Variants in ZDHHC11B observed in about 807,000 individuals in gnomAD.
The protein encoded by ZDHHC11B is zDHHC palmitoyltransferase 11B (putative), also known as probable palmitoyltransferase ZDHHC11B.
ZDHHC11B carries 17 observed loss-of-function variants against 42.3 expected under a neutral mutation model. That is an observed-to-expected ratio of 0.40 (90% CI 0.27 to 0.60). The LOEUF (loss-of-function observed/expected upper bound fraction) is 0.60. Ranked by LOEUF, ZDHHC11B falls within the 20% of genes least tolerant of loss-of-function variation. The pLI is 0.41. For missense variants in ZDHHC11B, 262 were observed against 463.2 expected (o/e 0.57, Z 3.99); for synonymous variants, 123 against 193.5 (o/e 0.64, Z 3.02).
chr5:730,813 T>C (rs1237190189), intron 11 of ZDHHC11B, among the ~76,000 whole-genome samples: 6 of 151,840 alleles, frequency 4.0e-5, no homozygotes, highest in Admixed American at 1.3e-4. Context: ...TGTCCTTTTA[T>C]GAAGGGGAGA....
At chr5:773,522 T>A (rs1736223925) in intron 1 of ZDHHC11B, among the ~76,000 whole-genome samples, 1 of 151,798 alleles carries the variant, frequency 6.6e-6, no homozygotes, top group South Asian at 2.1e-4. Flanking sequence ...CCATCCCACA[T>A]GTGCCCTGCA....
Position 751,120 on chromosome 5 carries a change from G to A in ZDHHC11B, c.628+13C>T, listed in dbSNP as rs71273552. The A allele has an allele frequency of 0.16, 185,534 of 1,143,892 alleles. 24,871 individuals carry two copies. The highest frequency in any genetic ancestry group is 0.59 in the African/African-American group (29,775 of 50,482). The allele number at this position is 1,143,892 out of a possible 1,614,324, so 70.9% of individuals were successfully genotyped here. A position where few individuals can be genotyped will look rare whatever the true frequency, so the allele number is the denominator to read the frequency against. On this transcript the variant is annotated intron_variant, in intron 7 of 13. Coordinates refer to ENST00000508859, the MANE Select transcript of ZDHHC11B (RefSeq NM_001351303.2). ...GGCGAGGATGAGGCCCCTTGAGAGC[G>A]GCGGCCACGTACCTTCATACCTGGG...
intron 10 of ZDHHC11B, 41 bp from the exon 11 acceptor site, chr5:733,880 T>C: frequency 6.4e-7 from 1 of 1,558,056 alleles, no homozygotes; most frequent in Non-Finnish European, 8.8e-7. Flanking sequence ...ATCTCAGCTT[T>C]GTGGGGGGGC....
chr5:759,924 C>T lies in ZDHHC11B; in HGVS notation c.223-3780G>A, dbSNP rs577818272. Among the ~76,000 whole-genome samples the T allele has an allele frequency of 7.9e-5, 12 of 151,996 alleles. 1 individual carries two copies. The highest frequency in any genetic ancestry group is 1.3e-4 in the Non-Finnish European group (9 of 67,896). ...GCCACATGCTGCTGGCCAAGGGGCC[C>T]GAGGGGGTCGCTGAGGTGCAGGCAT... On this transcript the variant is annotated intron_variant, in intron 4 of 13. Coordinates refer to ENST00000508859, the MANE Select transcript of ZDHHC11B (RefSeq NM_001351303.2).
chr5:761,412 G>A lies in ZDHHC11B; in HGVS notation c.223-5268C>T, dbSNP rs553478661. 6.8e-4 allele frequency among the ~76,000 whole-genome samples: 103 copies of A among 151,934 alleles called. 2 individuals are homozygous for A. Among genetic ancestry groups the A allele is most frequent in the African/African-American group, 2.4e-3 (100 of 41,422 alleles). On this transcript the variant is annotated intron_variant, in intron 4 of 13. Coordinates refer to ENST00000508859, the MANE Select transcript of ZDHHC11B (RefSeq NM_001351303.2). ...GGAGGCCATCTAGGACCCAGGCTTT[G>A]GGGGTATGGGGACTCAGGGATGTAG...
At chr5:714,297 G>A (rs1473141914) in intron 13 of ZDHHC11B, among the ~76,000 whole-genome samples, 1 of 140,638 alleles carries the variant, frequency 7.1e-6, no homozygotes, top group African/African-American at 2.8e-5. Flanking sequence ...AGTACTTTCT[G>A]GGATTATGTA....
chr5:749,549 A>G (rs1416356312), intron 7 of ZDHHC11B, among the ~76,000 whole-genome samples: 2 of 129,830 alleles, frequency 1.5e-5, no homozygotes, highest in African/African-American at 5.0e-5. Context: ...CAGTGACATC[A>G]CGATGAGTTC....
intron 6 of ZDHHC11B, among the ~76,000 whole-genome samples, chr5:754,593 A>G (rs113645767): frequency 0.098 from 10,686 of 108,766 alleles, 45 homozygotes; most frequent in East Asian, 0.27. Context: ...AGCCTCCACC[A>G]TGCTCAGGGG....
At chr5:721,111 A>G (rs184103530) in intron 12 of ZDHHC11B, among the ~76,000 whole-genome samples, 5 of 151,818 alleles carry the variant, frequency 3.3e-5, no homozygotes, top group Admixed American at 1.3e-4. Context: ...CTCAAAAAAA[A>G]ATCTAAGTTG....
intron 4 of ZDHHC11B, among the ~76,000 whole-genome samples, chr5:756,914 G>T (rs2127135896): frequency 6.6e-6 from 1 of 151,782 alleles, no homozygotes; most frequent in Non-Finnish European, 1.5e-5. Context: ...CTCTCTCAGG[G>T]AGCCCAGACT....
intron 7 of ZDHHC11B, among the ~76,000 whole-genome samples, chr5:750,652 G>A (rs567079045): frequency 0.037 from 4,522 of 123,032 alleles, 61 homozygotes; most frequent in African/African-American, 0.11. Context: ...TGTGAGCATT[G>A]GTTCCCGAGG....
At chr5:771,031 A>C in intron 1 of ZDHHC11B, among the ~76,000 whole-genome samples, 1 of 151,876 alleles carries the variant, frequency 6.6e-6, no homozygotes, top group Non-Finnish European at 1.5e-5. Flanking sequence ...AGGGCATGAA[A>C]GCTGCTTCCC....
chr5:766,265 G>A (rs1365901654), intron 4 of ZDHHC11B, among the ~76,000 whole-genome samples: 6 of 150,796 alleles, frequency 4.0e-5, no homozygotes, highest in Middle Eastern at 3.4e-3. Context: ...GCAGACACGG[G>A]CTTCCCCCTC....
chr5:746,961 T>C (rs1381007670), intron 8 of ZDHHC11B, among the ~76,000 whole-genome samples: 10 of 123,552 alleles, frequency 8.1e-5, no homozygotes, highest in African/African-American at 2.8e-4. Flanking sequence ...TCACCCTGAC[T>C]CTAAGCATCT....
intron 11 of ZDHHC11B, among the ~76,000 whole-genome samples, chr5:733,258 C>T (rs1242096028): frequency 6.6e-6 from 1 of 151,050 alleles, no homozygotes; most frequent in African/African-American, 2.4e-5. Flanking sequence ...ATAACCACAC[C>T]CCCCCACATA....
intron 1 of ZDHHC11B, among the ~76,000 whole-genome samples, chr5:778,494 G>A (rs1736726361): frequency 6.6e-6 from 1 of 151,040 alleles, no homozygotes; most frequent in South Asian, 2.1e-4. Flanking sequence ...ACCAGGGGCT[G>A]GTCCCTCATC....
chr5:738,105 G>T, intron 10 of ZDHHC11B, among the ~76,000 whole-genome samples: 1 of 44,670 alleles, frequency 2.2e-5, no homozygotes, highest in African/African-American at 7.3e-5. Context: ...TAAAGTTTCA[G>T]GATACAAAAT....
At chr5:769,766 T>C (rs1370555435) in intron 1 of ZDHHC11B, among the ~76,000 whole-genome samples, 1 of 151,982 alleles carries the variant, frequency 6.6e-6, no homozygotes, top group Non-Finnish European at 1.5e-5. Context: ...ACAGCTCTTC[T>C]TTTTCTAAGA....
At chr5:757,696 G>A (rs531584964) in intron 4 of ZDHHC11B, among the ~76,000 whole-genome samples, 15 of 152,076 alleles carry the variant, frequency 9.9e-5, no homozygotes, top group East Asian at 1.9e-4. Context: ...ACGTGGCCCC[G>A]GGCCCTGGGT....
Sources: allele counts gnomAD v4.1 joint callset (sites outside exome capture counted in the v4.1 genomes callset), GRCh38; gene constraint gnomAD v4.1.1; transcripts MANE v1.5; gene names NCBI Gene and HGNC (gene_info 2026-07-23, HGNC 2026-07-21).